The following TFPI2 variants were observed in gnomAD, a reference collection of about 807,000 sequenced individuals.
TFPI2 encodes placental protein 5.
In TFPI2, 23 loss-of-function variants were observed where a neutral mutation model predicts 23.1. The observed-to-expected ratio is 1.00, with a 90% CI of 0.72 to 1.41. The LOEUF (loss-of-function observed/expected upper bound fraction) is 1.41. Ranked by LOEUF, TFPI2 falls within the 40% of genes most tolerant of loss-of-function variation. The pLI is 0.00. For synonymous variants in TFPI2, 119 were observed against 111.7 expected, an observed-to-expected ratio of 1.07 and a Z score of -0.41; for missense variants, 291 against 299.6, an observed-to-expected ratio of 0.97 and a Z score of 0.21.
At chr7:93,889,361 A>G in intron 2 of TFPI2, 138 bp from the exon 3 acceptor site, 2 of 725,356 alleles carry the variant, frequency 2.8e-6, no homozygotes, top group Non-Finnish European at 4.3e-6. Flanking sequence ...GAATACTCCC[A>G]TGAATCCAGA....
chr7:93,890,370 A>C lies in TFPI2; in HGVS notation c.89-51T>G, dbSNP rs371612220. On this transcript the variant is annotated intron_variant, in intron 1 of 4. Transcript: ENST00000222543. ...AAAGAGAGGGAAAGTGGTCAGGCGT[A>C]GCTCCTAGGAGGAAAGAACATCCCG... The C allele has an allele frequency of 5.2e-6, 8 of 1,552,528 alleles. No homozygotes were observed. In the African/African-American group the frequency reaches 1.1e-4, roughly 21 times the overall value.
chr7:93,887,289 C>T lies in TFPI2; in HGVS notation c.603G>A (p.Arg201=), dbSNP rs764378248. The part of the protein sequence containing the change: ...CGGNDNNFVS[R]EDCKRACAKA... ...TTGCACATGCACGTTTGCAATCCTCCCTGCTAACAAAGTTATTGTCATTCC... is the reference window on the plus strand; with the variant it reads ...TTGCACATGCACGTTTGCAATCCTCTCTGCTAACAAAGTTATTGTCATTCC... Residue 201 remains arginine, a synonymous_variant, in exon 4 of 5, where the codon AGG becomes AGA. Transcript: ENST00000222543. 6.2e-7 allele frequency: 1 copy of T among 1,612,300 alleles called. No homozygotes were observed. The highest frequency in any genetic ancestry group is 1.7e-5 in the Admixed American group (1 of 59,934).
intron 1 of TFPI2, 78 bp from the exon 2 acceptor site, chr7:93,890,397 G>A: frequency 2.0e-6 from 3 of 1,518,722 alleles, no homozygotes; most frequent in South Asian, 1.3e-5. Context: ...AACATCCCGG[G>A]GAGTTCTGTC....
chr7:93,890,684 A>G lies in TFPI2; in HGVS notation c.-6T>C. On this transcript the variant is annotated 5_prime_UTR_variant, in exon 1 of 5. Coordinates refer to ENST00000222543, the MANE Select transcript of TFPI2 (RefSeq NM_006528.4). ...AGGGGGCGAGCGGGGTCCATGGTGCAGGGGGTCGGGCGGCCCGCTGGGCAA... is the reference window on the plus strand; with the variant it reads ...AGGGGGCGAGCGGGGTCCATGGTGCGGGGGGTCGGGCGGCCCGCTGGGCAA... 1 of 1,607,386 alleles carries G rather than the reference A, an allele frequency of 6.2e-7. No individual in the cohort carries two copies. The highest frequency in any genetic ancestry group is 8.5e-7 in the Non-Finnish European group (1 of 1,177,812).
chr7:93,888,749 C>T (rs944527901), intron 3 of TFPI2, among the ~76,000 whole-genome samples: 10 of 151,966 alleles, frequency 6.6e-5, no homozygotes, highest in Non-Finnish European at 1.5e-4. Flanking sequence ...ATCGCTTGAA[C>T]CCGGGAGGCA....
At position 93,888,589 on chromosome 7, in the gene TFPI2, G is replaced by GAGAAAGAAAGAAAGAAAGAA. The variant is rs58431286; in HGVS notation, c.460+445_460+446insTTCTTTCTTTCTTTCTTTCT. Among the ~76,000 whole-genome samples the GAGAAAGAAAGAAAGAAAGAA allele has an allele frequency of 4.0e-3, 413 of 103,192 alleles. 2 individuals are homozygous for GAGAAAGAAAGAAAGAAAGAA. Among genetic ancestry groups the GAGAAAGAAAGAAAGAAAGAA allele is most frequent in the African/African-American group, 8.1e-3 (169 of 20,854 alleles). The allele number at this position is 103,192 out of a possible 152,430, so 67.7% of individuals were successfully genotyped here. ...GGAAGGAAGGAAGGAAGGAAGGAAAGAGAAAGAAAGAAAGAAAGAGAAAAA... is the reference window on the plus strand; with the variant it reads ...GGAAGGAAGGAAGGAAGGAAGGAAAGAGAAAGAAAGAAAGAAAGAAAGAAAGAAAGAAAGAAAGAGAAAAA... On this transcript the variant is annotated intron_variant, in intron 3 of 4. Transcript: ENST00000222543.
At chr7:93,887,904 A>G (rs915576501) in intron 3 of TFPI2, among the ~76,000 whole-genome samples, 3 of 152,248 alleles carry the variant, frequency 2.0e-5, no homozygotes, top group African/African-American at 7.2e-5. Flanking sequence ...GAACATCCAC[A>G]GTAACCATCA....
chr7:93,889,968 T>G, intron 2 of TFPI2, 169 bp downstream of exon 2: 2 of 633,298 alleles, frequency 3.2e-6, no homozygotes, highest in Non-Finnish European at 5.2e-6. Flanking sequence ...TTAGTGGTTG[T>G]AAATTTGTGA....
chr7:93,888,539 AGG>A (rs1794042631), intron 3 of TFPI2, among the ~76,000 whole-genome samples: 2 of 111,594 alleles, frequency 1.8e-5, no homozygotes, highest in Non-Finnish European at 3.6e-5. Flanking sequence ...GAAGGAAGGA[AGG>A]AAAGAAGGAA....
At chr7:93,888,909 C>T in intron 3 of TFPI2, 126 bp downstream of exon 3, 17 of 893,106 alleles carry the variant, frequency 1.9e-5, no homozygotes, top group Non-Finnish European at 2.5e-5. Context: ...CTTGACAAGT[C>T]ACTAACTTGT....
Position 93,886,052 on chromosome 7 carries a change from C to T in TFPI2, c.*768G>A, listed in dbSNP as rs955004661. 1.3e-5 allele frequency: 2 copies of T among 151,964 alleles called. No individual in the cohort carries two copies. Among genetic ancestry groups the T allele is most frequent in the Non-Finnish European group, 2.9e-5 (2 of 67,894 alleles). The allele number at this position is 151,964 out of a possible 1,614,324, so 9.4% of individuals were successfully genotyped here. A position where few individuals can be genotyped will look rare whatever the true frequency, so the allele number is the denominator to read the frequency against. On this transcript the variant is annotated 3_prime_UTR_variant, in exon 5 of 5. Coordinates refer to ENST00000222543, the MANE Select transcript of TFPI2 (RefSeq NM_006528.4). ...AAATAAACACCTTAAACAGTATAAACATTTGAAAAACTTTACTTTCCTTGG... is the reference window on the plus strand; with the variant it reads ...AAATAAACACCTTAAACAGTATAAATATTTGAAAAACTTTACTTTCCTTGG...
chr7:93,890,477 C>G, intron 1 of TFPI2, 114 bp downstream of exon 1: 2 of 1,424,388 alleles, frequency 1.4e-6, no homozygotes, highest in South Asian at 2.8e-5. Context: ...GCCAGCGGAG[C>G]GCGCGGCAGG....
Position 93,885,412 on chromosome 7 carries a change from T to A in TFPI2, c.*1408A>T, listed in dbSNP as rs1221422927. On this transcript the variant is annotated 3_prime_UTR_variant, in exon 5 of 5. Transcript: ENST00000222543. ...TTAAAGAAATGCTTTTTCTTTTTTA[T>A]TTAATTTTGATTATTAATTATGTCA... is the stretch of plus-strand genomic sequence containing the variant. 6.6e-6 allele frequency: 1 copy of A among 152,082 alleles called. No individual in the cohort carries two copies. Among genetic ancestry groups the A allele is most frequent in the African/African-American group, 2.4e-5 (1 of 41,444 alleles). 9.4% of individuals were successfully genotyped at this position (152,082 alleles called of 1,614,324 possible).
In TFPI2 at chr7:93,886,846, G is replaced by T; in HGVS notation, c.682C>A (p.Arg228=). 6.4e-7 allele frequency: 1 copy of T among 1,552,378 alleles called. No individual in the cohort carries two copies. Among genetic ancestry groups the T allele is most frequent in the South Asian group, 1.2e-5 (1 of 80,264 alleles). The stretch of plus-strand genomic sequence containing the variant: ...TAAAATTGCTTCTTCCGAATTTTCC[G>T]GATTCTACTGGCAAAGCGAAGCTTT... ...MPKLRFASRI[R]KIRKKQF Residue 228 remains arginine (R), a synonymous_variant, in exon 5 of 5, where the codon CGG becomes AGG. Coordinates refer to ENST00000222543, the MANE Select transcript of TFPI2 (RefSeq NM_006528.4).
rs76910578 is a variant in TFPI2, at chr7:93,887,312, T to C, written c.580A>G (p.Asn194Asp). ...DAFTYTGCGG[N>D]DNNFVSREDC... ...TCCCTGCTAACAAAGTTATTGTCAT[T>C]CCCTCCACAGCCAGTATAGGTGAAA... The change falls in exon 4 of 5, where the codon AAT becomes GAT. Residue 194 changes from asparagine to aspartate, a missense_variant. By Grantham distance (23) the Asn-to-Asp change is conservative. Coordinates refer to ENST00000222543, the MANE Select transcript of TFPI2 (RefSeq NM_006528.4). 6.2e-7 allele frequency: 1 copy of C among 1,613,300 alleles called. No individual in the cohort carries two copies. Among genetic ancestry groups the C allele is most frequent in the Non-Finnish European group, 8.5e-7 (1 of 1,179,590 alleles).
rs370079407 is a variant in TFPI2, at chr7:93,890,128, G to A, written c.271+9C>T. ...GCGCGAGAGTCCTGGGTGCGCGCAG[G>A]GCACTTACTTTCTATCCTCCAGCAA... On this transcript the variant is annotated intron_variant, in intron 2 of 4. Coordinates refer to ENST00000222543, the MANE Select transcript of TFPI2 (RefSeq NM_006528.4). 3 of 1,587,638 alleles carry A rather than the reference G, an allele frequency of 1.9e-6. No homozygotes were observed. Among genetic ancestry groups the A allele is most frequent in the South Asian group, 2.2e-5 (2 of 88,948 alleles).
rs1794019642 is a variant in TFPI2, at chr7:93,887,545, C to G, written c.461-114G>C. The G allele has an allele frequency of 6.5e-6, 5 of 768,190 alleles. No homozygotes were observed. The South Asian group carries it at 9.2e-5, about 14-fold the overall frequency. 47.6% of individuals were successfully genotyped at this position (768,190 alleles called of 1,614,324 possible). On this transcript the variant is annotated intron_variant, in intron 3 of 4. Transcript: ENST00000222543. ...ATCCCATAGAAGCCTCAGTCTGAAT[C>G]CAAAATATCATACTAAACCTTTAAA...
At position 93,886,742 on chromosome 7, in the gene TFPI2, G is replaced by T; in HGVS notation, c.*78C>A. 3.3e-6 allele frequency: 3 copies of T among 909,756 alleles called. No individual in the cohort carries two copies. Among genetic ancestry groups the T allele is most frequent in the East Asian group, 2.9e-5 (1 of 34,532 alleles). The allele number at this position is 909,756 out of a possible 1,614,324, so 56.4% of individuals were successfully genotyped here. ...AATCACCAATGATTTGTTTCCTCAT[G>T]CTGTCATATTATTCTTCAGATACAA... On this transcript the variant is annotated 3_prime_UTR_variant, in exon 5 of 5. Transcript: ENST00000222543.
intron 3 of TFPI2, among the ~76,000 whole-genome samples, chr7:93,888,765 T>G (rs1794065181): frequency 6.6e-6 from 1 of 151,926 alleles, no homozygotes; most frequent in Admixed American, 6.6e-5. Context: ...AGGCAGAGGT[T>G]GCAGAGAGCC....
Sources: allele counts gnomAD v4.1 joint callset (sites outside exome capture counted in the v4.1 genomes callset), GRCh38; gene constraint gnomAD v4.1.1; transcripts MANE v1.5; gene names NCBI Gene and HGNC (gene_info 2026-07-23, HGNC 2026-07-21).